Variants in LINGO2 observed in about 807,000 individuals in gnomAD.
LINGO2 encodes the protein leucine-rich repeat and immunoglobulin-like domain-containing nogo receptor-interacting protein 2.
In LINGO2, 14 loss-of-function variants were observed where a neutral mutation model predicts 30.6. The ratio of observed to expected loss-of-function variants is 0.46; its 90% confidence interval spans 0.30 to 0.72. The LOEUF is 0.72. Ranked by LOEUF, LINGO2 falls within the 30% of genes least tolerant of loss-of-function variation. The pLI, the probability that LINGO2 is intolerant of heterozygous loss-of-function variation, is 0.07. For missense variants in LINGO2, 729 were observed against 751.7 expected (o/e 0.97, Z 0.35); for synonymous variants, 317 against 288.5 (o/e 1.10, Z -1.00).
chr9:28,521,966 T>C lies in LINGO2; in HGVS notation c.-364-45941A>G, dbSNP rs73644052. Among the ~76,000 whole-genome samples, 644 of 152,334 alleles carry C rather than the reference T, an allele frequency of 4.2e-3. 7 individuals are homozygous for C. The highest frequency in any genetic ancestry group is 0.015 in the African/African-American group (616 of 41,580). ...AGCTAGAAGAAGCAAGGGAGGATCC[T>C]TCTCTGTATCCATCGAGGGAGCATG... On this transcript the variant is annotated intron_variant, in intron 1 of 5. Coordinates refer to ENST00000379992, the Ensembl canonical transcript of LINGO2.
chr9:28,073,754 G>A (rs1305690608), intron 4 of LINGO2, among the ~76,000 whole-genome samples: 4 of 152,158 alleles, frequency 2.6e-5, no homozygotes, highest in Non-Finnish European at 5.9e-5. Flanking sequence ...GGGGCCAGGA[G>A]CAGTGGCTCA....
the LINGO2 span, among the ~76,000 whole-genome samples, chr9:28,865,105 T>C: frequency 1.3e-5 from 2 of 152,098 alleles, no homozygotes; most frequent in African/African-American, 4.8e-5. Flanking sequence ...GGGTAAGTGT[T>C]CTAAGCAGAA....
At chr9:28,233,215 A>G (rs1234089582) in intron 4 of LINGO2, among the ~76,000 whole-genome samples, 1 of 151,592 alleles carries the variant, frequency 6.6e-6, no homozygotes, top group Non-Finnish European at 1.5e-5. Flanking sequence ...TTCTAAAATC[A>G]TTATTATCTG....
At chr9:28,026,505 A>C (rs1823381952) in intron 4 of LINGO2, among the ~76,000 whole-genome samples, 1 of 152,180 alleles carries the variant, frequency 6.6e-6, no homozygotes, top group African/African-American at 2.4e-5. Flanking sequence ...CTGTAGTCAC[A>C]CTTTGAGAAC....
At chr9:29,211,731 T>C in the LINGO2 span, among the ~76,000 whole-genome samples, 1 of 152,034 alleles carries the variant, frequency 6.6e-6, no homozygotes, top group Non-Finnish European at 1.5e-5. Context: ...GTGGTACTCG[T>C]TTTCTCCACC....
At chr9:28,183,397 C>T (rs927615482) in intron 4 of LINGO2, among the ~76,000 whole-genome samples, 2 of 151,964 alleles carry the variant, frequency 1.3e-5, no homozygotes, top group African/African-American at 2.4e-5. Context: ...CATACCTGCA[C>T]ATTATGCACG....
chr9:28,125,215 G>A (rs538390482), intron 4 of LINGO2, among the ~76,000 whole-genome samples: 1 of 152,308 alleles, frequency 6.6e-6, no homozygotes, highest in Non-Finnish European at 1.5e-5. Context: ...GAGGGAAGCT[G>A]TGGCTATAAA....
rs7045520 is a variant in LINGO2, at chr9:28,606,528, A to G, written c.-365+63672T>C. Among the ~76,000 whole-genome samples the G allele has an allele frequency of 5.6e-3, 857 of 152,166 alleles. 10 individuals are homozygous for G. Among genetic ancestry groups the G allele is most frequent in the African/African-American group, 0.02 (826 of 41,566 alleles). On this transcript the variant is annotated intron_variant, in intron 1 of 5. Transcript: ENST00000379992. ...TTTAACTATGCCAAGTGGGTCATTT[A>G]AGGATAATACAGACTGAGGGAAATT...
chr9:28,099,792 C>T (rs1031674544), intron 4 of LINGO2, among the ~76,000 whole-genome samples: 1 of 152,120 alleles, frequency 6.6e-6, no homozygotes, highest in Non-Finnish European at 1.5e-5. Flanking sequence ...AAAAAACCTA[C>T]TTCTCCAACT....
the LINGO2 span, among the ~76,000 whole-genome samples, chr9:28,882,929 T>A: frequency 6.6e-6 from 1 of 152,198 alleles, no homozygotes; most frequent in Non-Finnish European, 1.5e-5. Flanking sequence ...GTCCCTTACA[T>A]ACACACACAG....
chr9:28,038,692 CA>C (rs35216202), intron 4 of LINGO2, among the ~76,000 whole-genome samples: 65,517 of 118,528 alleles, frequency 0.55, 15,320 homozygotes, highest in Admixed American at 0.57. Flanking sequence ...GACTCCGTCT[CA>C]AAAAAAAAAA....
At chr9:28,305,440 G>T (rs1437161290) in intron 3 of LINGO2, among the ~76,000 whole-genome samples, 1 of 151,978 alleles carries the variant, frequency 6.6e-6, no homozygotes, top group Non-Finnish European at 1.5e-5. Context: ...TTTATTTGCA[G>T]ATGATTGTCT....
At chr9:28,613,409 G>C (rs948291876) in intron 1 of LINGO2, among the ~76,000 whole-genome samples, 2 of 151,594 alleles carry the variant, frequency 1.3e-5, no homozygotes, top group Non-Finnish European at 2.9e-5. Context: ...TATAGCTACA[G>C]ATAGGTACAT....
the LINGO2 span, among the ~76,000 whole-genome samples, chr9:29,026,829 C>A: frequency 1.3e-3 from 205 of 152,250 alleles, no homozygotes; most frequent in African/African-American, 4.9e-3. Context: ...TTTACCTTAA[C>A]AACCTCTATG....
chr9:28,093,430 A>G (rs1286326003), intron 4 of LINGO2, among the ~76,000 whole-genome samples: 1 of 152,116 alleles, frequency 6.6e-6, no homozygotes, highest in African/African-American at 2.4e-5. Flanking sequence ...TCAGCATAGC[A>G]ACACGTTAGT....
intron 4 of LINGO2, among the ~76,000 whole-genome samples, chr9:28,061,862 A>G (rs1342544767): frequency 6.6e-6 from 1 of 152,146 alleles, no homozygotes; most frequent in Admixed American, 6.6e-5. Context: ...ACATCTGTAA[A>G]ATGAGCATAA....
At chr9:29,111,073 G>T in the LINGO2 span, among the ~76,000 whole-genome samples, 1 of 152,172 alleles carries the variant, frequency 6.6e-6, no homozygotes, top group Non-Finnish European at 1.5e-5. Context: ...TACCATAAAA[G>T]GGGTCCTATT....
chr9:28,353,806 T>C (rs1172135086), intron 3 of LINGO2, among the ~76,000 whole-genome samples: 1 of 151,980 alleles, frequency 6.6e-6, no homozygotes, highest in Non-Finnish European at 1.5e-5. Context: ...ATATACACCA[T>C]GGAATACTAT....
At chr9:28,667,789 C>A (rs1828861142) in intron 1 of LINGO2, among the ~76,000 whole-genome samples, 1 of 151,932 alleles carries the variant, frequency 6.6e-6, no homozygotes, top group Admixed American at 6.6e-5. Context: ...TTCAAATTCC[C>A]AAATTATGAT....
Sources: allele counts gnomAD v4.1 joint callset (sites outside exome capture counted in the v4.1 genomes callset), GRCh38; gene constraint gnomAD v4.1.1; transcripts MANE v1.5; gene names NCBI Gene and HGNC (gene_info 2026-07-23, HGNC 2026-07-21).